Variants in ADAMTS12 observed in about 807,000 individuals in gnomAD.
ADAMTS12 encodes the protein A disintegrin and metalloproteinase with thrombospondin motifs 12.
Under a neutral mutation model 167.8 loss-of-function variants are expected in ADAMTS12, and 118 were observed. That is an observed-to-expected ratio of 0.70 (90% CI 0.61 to 0.82). The LOEUF (loss-of-function observed/expected upper bound fraction) is 0.82, where lower values mean the gene tolerates loss of function less well. Ranked by LOEUF, ADAMTS12 falls within the 40% of genes least tolerant of loss-of-function variation. The pLI is 0.00. For missense variants in ADAMTS12, 1,916 were observed against 1,998.8 expected (o/e 0.96, Z 0.79); for synonymous variants, 704 against 716.9 (o/e 0.98, Z 0.29).
chr5:33,803,254 C>T lies in ADAMTS12; in HGVS notation c.490-51706G>A, dbSNP rs1370228870. On this transcript the variant is annotated intron_variant, in intron 2 of 23. Transcript: ENST00000504830. ...CCACAGACAAAACTATTACAAACCC[C>T]AAAAGAAGTGTGGTGGGAACAAACA... Among the ~76,000 whole-genome samples the T allele has an allele frequency of 1.2e-4, 18 of 152,262 alleles. 1 individual carries two copies. The highest frequency in any genetic ancestry group is 6.8e-3 in the Middle Eastern group (2 of 294).
At chr5:33,734,563 T>C (rs1744303646) in intron 3 of ADAMTS12, among the ~76,000 whole-genome samples, 1 of 152,218 alleles carries the variant, frequency 6.6e-6, no homozygotes. Context: ...CTAAACATAA[T>C]ATAGCTTCTA....
chr5:33,850,298 C>G (rs1432877652), intron 2 of ADAMTS12, among the ~76,000 whole-genome samples: 1 of 152,132 alleles, frequency 6.6e-6, no homozygotes, highest in Admixed American at 6.5e-5. Context: ...GAAAGTTTCA[C>G]TAAAAGAGAG....
chr5:33,766,117 G>GC (rs1159268197), intron 2 of ADAMTS12, among the ~76,000 whole-genome samples: 1 of 152,118 alleles, frequency 6.6e-6, no homozygotes, highest in Non-Finnish European at 1.5e-5. Flanking sequence ...GAACTTAACT[G>GC]CCCCCTGTGT....
intron 2 of ADAMTS12, among the ~76,000 whole-genome samples, chr5:33,878,885 C>T (rs756026051): frequency 7.2e-5 from 11 of 152,262 alleles, no homozygotes; most frequent in South Asian, 2.1e-4. Flanking sequence ...GGGTTAACAA[C>T]GACTACTCTA....
chr5:33,786,549 C>G (rs573692701), intron 2 of ADAMTS12, among the ~76,000 whole-genome samples: 13 of 151,774 alleles, frequency 8.6e-5, no homozygotes, highest in Non-Finnish European at 1.6e-4. Flanking sequence ...GGAGGCTGTA[C>G]GTACTTTGCA....
chr5:33,781,154 T>C (rs1047225434), intron 2 of ADAMTS12, among the ~76,000 whole-genome samples: 1 of 152,018 alleles, frequency 6.6e-6, no homozygotes, highest in Admixed American at 6.6e-5. Context: ...AATAGACAGC[T>C]CCAATTCATA....
intron 2 of ADAMTS12, among the ~76,000 whole-genome samples, chr5:33,825,141 C>A (rs189229719): frequency 7.5e-4 from 114 of 152,292 alleles, no homozygotes; most frequent in African/African-American, 2.6e-3. Context: ...GCGGTTTCAC[C>A]CATGCTTATG....
At chr5:33,563,652 T>C (rs1476014842) in intron 19 of ADAMTS12, among the ~76,000 whole-genome samples, 1 of 152,202 alleles carries the variant, frequency 6.6e-6, no homozygotes, top group Non-Finnish European at 1.5e-5. Context: ...CCACACAGTT[T>C]ACAGTTAACT....
At chr5:33,742,663 G>T (rs1045123676) in intron 3 of ADAMTS12, among the ~76,000 whole-genome samples, 1 of 152,166 alleles carries the variant, frequency 6.6e-6, no homozygotes, top group Non-Finnish European at 1.5e-5. Context: ...CACTAGGCTT[G>T]ATACTTAAAA....
intron 2 of ADAMTS12, among the ~76,000 whole-genome samples, chr5:33,790,882 A>AT (rs1459290232): frequency 3.3e-5 from 5 of 151,824 alleles, no homozygotes; most frequent in Non-Finnish European, 7.4e-5. Flanking sequence ...AGAATACTGA[A>AT]TAGGTGGTGC....
intron 12 of ADAMTS12, among the ~76,000 whole-genome samples, chr5:33,633,086 T>C (rs1195325318): frequency 6.6e-6 from 1 of 151,420 alleles, no homozygotes; most frequent in Non-Finnish European, 1.5e-5. Flanking sequence ...GCTGTTAGCA[T>C]GGTTATCTTG....
rs1182801388 is a variant in ADAMTS12 at position 33,576,871 on chromosome 5, C to T, written c.3155G>A (p.Ser1052Asn). Residue 1052 changes from serine to asparagine, a missense_variant, in exon 19 of 24, where the codon AGT becomes AAT. Transcript: ENST00000504830. Reference protein sequence around the residue: ...STSTPAISSPSPTTASKEGDL... With the variant: ...STSTPAISSPNPTTASKEGDL... ...TCCTTCTTTGGAGGCTGTGGTAGGA[C>T]TAGGGCTGCTGATTGCTGGAGTGCT... 29 of 1,614,020 alleles carry T rather than the reference C, an allele frequency of 1.8e-5. No individual in the cohort carries two copies. Among genetic ancestry groups the T allele is most frequent in the African/African-American group, 2.7e-5 (2 of 74,938 alleles).
At chr5:33,871,864 A>G (rs1050778655) in intron 2 of ADAMTS12, among the ~76,000 whole-genome samples, 1 of 152,174 alleles carries the variant, frequency 6.6e-6, no homozygotes, top group Non-Finnish European at 1.5e-5. Flanking sequence ...GTGAGAATGA[A>G]CATTTCTCAC....
In ADAMTS12 at chr5:33,649,601, C is replaced by T. The variant is rs752980463; in HGVS notation, c.1287G>A (p.Pro429=). 1.4e-5 allele frequency: 22 copies of T among 1,613,862 alleles called. No homozygotes were observed. The highest frequency in any genetic ancestry group is 2.2e-5 in the South Asian group (2 of 91,070). Residue 429 remains proline, a synonymous_variant, in exon 8 of 24, where the codon CCG becomes CCA. Coordinates refer to ENST00000504830, the MANE Select transcript of ADAMTS12 (RefSeq NM_030955.4). ...CCTCGCTGCACTTGGACCATGTCAG[C>T]GGAGTGGGATCGTACTGGAGCTGGC... ...MSRQLQYDPT[P]LTWSKCSEEY... is the part of the protein sequence containing the mutation.
At chr5:33,591,501 C>T (rs186738158) in intron 17 of ADAMTS12, among the ~76,000 whole-genome samples, 2 of 152,174 alleles carry the variant, frequency 1.3e-5, no homozygotes, top group African/African-American at 4.8e-5. Context: ...TTCCAAAATC[C>T]GATTCAACTA....
intron 9 of ADAMTS12, among the ~76,000 whole-genome samples, chr5:33,644,171 G>A (rs993692620): frequency 2.6e-5 from 4 of 152,034 alleles, no homozygotes; most frequent in African/African-American, 4.8e-5. Flanking sequence ...GATATTTTAA[G>A]CCATTTTAGA....
chr5:33,715,125 C>T (rs1743557495), intron 3 of ADAMTS12, among the ~76,000 whole-genome samples: 1 of 151,968 alleles, frequency 6.6e-6, no homozygotes, highest in African/African-American at 2.4e-5. Context: ...GATCCATTTT[C>T]AGGGCCTGTT....
rs762938862 is a variant in ADAMTS12 at position 33,534,959 on chromosome 5, T to G, written c.4480A>C (p.Arg1494=). ...TCTGAGGGCACACATTGGACAGTCC[T>G]CTTCTGAAAGCCACCTCCACAGGAA... The part of the protein sequence containing the change: ...STSCGGGFQK[R]TVQCVPSEGN... The change falls in exon 23 of 24, where the codon AGG becomes CGG. Residue 1494 remains arginine, a synonymous_variant. Transcript: ENST00000504830. 2 of 1,610,652 alleles carry G rather than the reference T, an allele frequency of 1.2e-6. No homozygotes were observed. The highest frequency in any genetic ancestry group is 1.7e-6 in the Non-Finnish European group (2 of 1,179,202).
At chr5:33,573,815 C>T (rs938986653) in intron 19 of ADAMTS12, among the ~76,000 whole-genome samples, 1 of 152,100 alleles carries the variant, frequency 6.6e-6, no homozygotes, top group Non-Finnish European at 1.5e-5. Flanking sequence ...AGGCAACCTA[C>T]AAAATGGGAG....
Sources: allele counts gnomAD v4.1 joint callset (sites outside exome capture counted in the v4.1 genomes callset), GRCh38; gene constraint gnomAD v4.1.1; transcripts MANE v1.5; gene names NCBI Gene and HGNC (gene_info 2026-07-23, HGNC 2026-07-21).